ATG10: variants seen among roughly 807,000 people sequenced by gnomAD.
ATG10 encodes the protein autophagy related 10, also known as ubiquitin-like-conjugating enzyme ATG10.
Under a neutral mutation model 32.1 loss-of-function variants are expected in ATG10, and 30 were observed. The ratio of observed to expected loss-of-function variants is 0.94; its 90% CI spans 0.70 to 1.27. The LOEUF is 1.27. Among genes scored for constraint, ATG10 ranks in the 50% most tolerant of loss-of-function variants. The pLI, the probability that ATG10 is intolerant of heterozygous loss-of-function variation, is 0.00. For missense variants in ATG10, 233 were observed against 262.3 expected (o/e 0.89, Z 0.77); for synonymous variants, 87 against 91.5 (o/e 0.95, Z 0.28).
At chr5:82,118,156 C>G (rs897335218) in intron 3 of ATG10, among the ~76,000 whole-genome samples, 3 of 151,170 alleles carry the variant, frequency 2.0e-5, no homozygotes, top group South Asian at 2.1e-4. Context: ...TTATTTTTGA[C>G]TTTTCTGGTT....
intron 5 of ATG10, among the ~76,000 whole-genome samples, chr5:82,215,839 G>A (rs1283512618): frequency 6.6e-6 from 1 of 151,802 alleles, no homozygotes; most frequent in Non-Finnish European, 1.5e-5. Flanking sequence ...TCGGGAGGCT[G>A]AGGCAGAATA....
At chr5:82,030,154 CG>C (rs1762706947) in intron 2 of ATG10, among the ~76,000 whole-genome samples, 1 of 152,076 alleles carries the variant, frequency 6.6e-6, no homozygotes. Flanking sequence ...GGCCTCTTCA[CG>C]GACTGTGACT....
At chr5:82,020,396 G>T (rs1762403217) in intron 2 of ATG10, among the ~76,000 whole-genome samples, 1 of 152,172 alleles carries the variant, frequency 6.6e-6, no homozygotes, top group South Asian at 2.1e-4. Context: ...CTAATAATTG[G>T]AAGCATCTAA....
At chr5:82,114,235 C>T (rs1765707121) in intron 3 of ATG10, among the ~76,000 whole-genome samples, 1 of 151,978 alleles carries the variant, frequency 6.6e-6, no homozygotes, top group Admixed American at 6.6e-5. Context: ...TGTTTTACCT[C>T]AGACTGGGGA....
At chr5:81,996,736 T>G (rs1761677050) in intron 2 of ATG10, among the ~76,000 whole-genome samples, 1 of 152,236 alleles carries the variant, frequency 6.6e-6, no homozygotes, top group Non-Finnish European at 1.5e-5. Context: ...GACCTTGGCC[T>G]TTGGAACTGT....
At chr5:82,035,674 ATTGT>A (rs1324812615) in intron 2 of ATG10, among the ~76,000 whole-genome samples, 1 of 150,526 alleles carries the variant, frequency 6.6e-6, no homozygotes, top group Non-Finnish European at 1.5e-5. Context: ...TTAGGCATTT[ATTGT>A]TTATGTCCTT....
rs903447604 is a variant in ATG10, at chr5:82,171,939, G to A, written c.356-6551G>A. 3.3e-5 allele frequency among the ~76,000 whole-genome samples: 5 copies of A among 152,164 alleles called. No individual in the cohort carries two copies. The South Asian group carries it at 1.0e-3, about 31-fold the overall frequency. ...TCAAGGAGCTTACAGTCTAGTGAGGGAAACACAAGATAGGTCTGAAATTCA... is the reference window on the plus strand; with the variant it reads ...TCAAGGAGCTTACAGTCTAGTGAGGAAAACACAAGATAGGTCTGAAATTCA... On this transcript the variant is annotated intron_variant, in intron 4 of 7. Transcript: ENST00000282185.
intron 5 of ATG10, among the ~76,000 whole-genome samples, chr5:82,210,772 A>G (rs1179007780): frequency 6.6e-6 from 1 of 152,204 alleles, no homozygotes; most frequent in Non-Finnish European, 1.5e-5. Context: ...ACCTCAAGGC[A>G]CTGAGTTTCT....
chr5:82,179,039 T>C (rs1235845727), intron 5 of ATG10, among the ~76,000 whole-genome samples: 1 of 152,146 alleles, frequency 6.6e-6, no homozygotes, highest in African/African-American at 2.4e-5. Flanking sequence ...TACATTAGCC[T>C]ACAGTTGGAC....
chr5:82,072,381 C>G (rs1041058881), intron 3 of ATG10, among the ~76,000 whole-genome samples: 1 of 152,104 alleles, frequency 6.6e-6, no homozygotes, highest in African/African-American at 2.4e-5. Flanking sequence ...TGAGTGGAAG[C>G]TGTAGTGTCT....
chr5:82,071,085 A>G (rs556546786), intron 3 of ATG10, among the ~76,000 whole-genome samples: 3 of 152,162 alleles, frequency 2.0e-5, no homozygotes, highest in Admixed American at 2.0e-4. Flanking sequence ...CTGTTGTTCT[A>G]TGGCAGTAGT....
intron 2 of ATG10, among the ~76,000 whole-genome samples, chr5:81,991,592 G>A (rs578172661): frequency 3.3e-5 from 5 of 152,160 alleles, no homozygotes; most frequent in African/African-American, 1.2e-4. Flanking sequence ...TCAGGAGTTC[G>A]AGATCAGCCT....
intron 2 of ATG10, among the ~76,000 whole-genome samples, chr5:81,997,635 A>G (rs751583162): frequency 1.3e-5 from 2 of 152,228 alleles, no homozygotes; most frequent in African/African-American, 2.4e-5. Flanking sequence ...ATTCTTAGAA[A>G]CACAATAAAA....
intron 3 of ATG10, among the ~76,000 whole-genome samples, chr5:82,098,556 G>A (rs554444138): frequency 2.4e-4 from 36 of 152,010 alleles, no homozygotes; most frequent in Admixed American, 1.5e-3. Context: ...TGATTCACCC[G>A]CCTCGGGCCT....
chr5:82,110,397 C>G (rs1264962839), intron 3 of ATG10, among the ~76,000 whole-genome samples: 1 of 152,128 alleles, frequency 6.6e-6, no homozygotes. Context: ...AATGGTTGAA[C>G]TAGTTTACAG....
chr5:82,009,230 T>C (rs1382237482), intron 2 of ATG10, among the ~76,000 whole-genome samples: 1 of 152,196 alleles, frequency 6.6e-6, no homozygotes, highest in East Asian at 1.9e-4. Flanking sequence ...TATTAATTAC[T>C]GATTAATTGC....
chr5:82,054,393 A>C (rs1428673208), intron 2 of ATG10, among the ~76,000 whole-genome samples: 2 of 152,154 alleles, frequency 1.3e-5, no homozygotes, highest in Non-Finnish European at 2.9e-5. Flanking sequence ...TGTCTGTCTT[A>C]ATGAGCTCGC....
chr5:82,018,441 AC>A (rs1762345459), intron 2 of ATG10, among the ~76,000 whole-genome samples: 2 of 152,162 alleles, frequency 1.3e-5, no homozygotes, highest in African/African-American at 4.8e-5. Context: ...CCTTCCTATG[AC>A]ATAACTCTTA....
intron 3 of ATG10, among the ~76,000 whole-genome samples, chr5:82,061,852 G>A (rs1241642826): frequency 1.5e-5 from 2 of 137,794 alleles, no homozygotes; most frequent in African/African-American, 5.4e-5. Flanking sequence ...TACAGGCAGG[G>A]TCTTGCTCTG....
Sources: allele counts gnomAD v4.1 joint callset (sites outside exome capture counted in the v4.1 genomes callset), GRCh38; gene constraint gnomAD v4.1.1; transcripts MANE v1.5; gene names NCBI Gene and HGNC (gene_info 2026-07-23, HGNC 2026-07-21).